ERC2: variants seen among roughly 807,000 people sequenced by gnomAD.
The protein encoded by ERC2 is ERC protein 2.
Under a neutral mutation model 114.8 loss-of-function variants are expected in ERC2, and 42 were observed. The observed-to-expected ratio is 0.37, with a 90% CI of 0.29 to 0.47. The LOEUF is 0.47. Ranked by LOEUF, ERC2 falls within the 20% of genes least tolerant of loss-of-function variation. The probability of loss-of-function intolerance (pLI) is 0.99; values close to 1 mark genes in which losing one functional copy is unlikely to be tolerated. For missense variants in ERC2, 939 were observed against 1,150.7 expected, an observed-to-expected ratio of 0.82 and a Z score of 2.66; for synonymous variants, 454 against 425.5, an observed-to-expected ratio of 1.07 and a Z score of -0.82.
chr3:55,575,693 C>A (rs1301636124), intron 17 of ERC2, among the ~76,000 whole-genome samples: 1 of 152,196 alleles, frequency 6.6e-6, no homozygotes, highest in African/African-American at 2.4e-5. Context: ...TGGCTCCAGG[C>A]CTTCTCCAGC....
rs548885073 is a variant in ERC2, at chr3:56,418,108, G to A, written c.657+16243C>T. 8.6e-5 allele frequency among the ~76,000 whole-genome samples: 13 copies of A among 152,022 alleles called. No individual in the cohort carries two copies. In the South Asian group the frequency reaches 2.5e-3, roughly 29 times the overall value. On this transcript the variant is annotated intron_variant, in intron 2 of 17. Transcript: ENST00000288221. ...TCAAGACCAGCCTGGCCAACATAGC[G>A]AGACCCTGTCTCTACAAAAAAAAAT...
intron 13 of ERC2, among the ~76,000 whole-genome samples, chr3:55,933,778 C>A (rs947324053): frequency 6.6e-6 from 1 of 152,200 alleles, no homozygotes; most frequent in Admixed American, 6.5e-5. Context: ...TTTACAGGAA[C>A]CCTTTGCCCA....
chr3:55,564,172 GT>G (rs1575595775), intron 17 of ERC2, among the ~76,000 whole-genome samples: 1 of 152,300 alleles, frequency 6.6e-6, no homozygotes, highest in East Asian at 1.9e-4. Context: ...TGGGGTGGAT[GT>G]CTGCCTGATG....
chr3:55,809,260 A>G (rs923413936), intron 14 of ERC2, among the ~76,000 whole-genome samples: 7 of 152,296 alleles, frequency 4.6e-5, no homozygotes, highest in African/African-American at 1.7e-4. Context: ...ATGTGTAACG[A>G]TCCAGTCACA....
chr3:55,520,169 G>A lies in ERC2; in HGVS notation c.*40-8893C>T, dbSNP rs1485947634. Among the ~76,000 whole-genome samples the A allele has an allele frequency of 2.0e-5, 3 of 152,020 alleles. No individual in the cohort carries two copies. The East Asian group carries it at 5.8e-4, about 29-fold the overall frequency. On this transcript the variant is annotated intron_variant, in intron 17 of 17. Transcript: ENST00000288221. ...CCAAACAGGCTCAAGAAACAAAAAGGCAGCCAGGCGCAGTGGCACACACCT... is the reference window on the plus strand; with the variant it reads ...CCAAACAGGCTCAAGAAACAAAAAGACAGCCAGGCGCAGTGGCACACACCT...
chr3:55,515,306 A>T (rs905572643), intron 17 of ERC2, among the ~76,000 whole-genome samples: 2 of 147,574 alleles, frequency 1.4e-5, no homozygotes, highest in African/African-American at 4.9e-5. Flanking sequence ...TGTATACATT[A>T]GAATATTATT....
In ERC2 at chr3:56,003,483, A is replaced by G. The variant is rs535703636; in HGVS notation, c.2061+3698T>C. ...TGAATCAGAAGAAGTACTTTTGGCC[A>G]AGTCTGCAATTTATTACCTGAACTT... is the stretch of plus-strand genomic sequence containing the variant. On this transcript the variant is annotated intron_variant, in intron 10 of 17. Coordinates refer to ENST00000288221, the MANE Select transcript of ERC2 (RefSeq NM_015576.3). Among the ~76,000 whole-genome samples the G allele has an allele frequency of 3.9e-5, 6 of 152,278 alleles. No individual in the cohort carries two copies. In the South Asian group the frequency reaches 1.2e-3, roughly 32 times the overall value.
intron 2 of ERC2, among the ~76,000 whole-genome samples, chr3:56,363,369 C>A (rs2059030147): frequency 6.6e-6 from 1 of 152,144 alleles, no homozygotes; most frequent in South Asian, 2.1e-4. Flanking sequence ...CTCATGCCTG[C>A]CAACTCTGGC....
intron 13 of ERC2, among the ~76,000 whole-genome samples, chr3:55,894,044 C>A (rs570794917): frequency 1.3e-5 from 2 of 151,990 alleles, no homozygotes; most frequent in Non-Finnish European, 2.9e-5. Flanking sequence ...ACACAAGAGG[C>A]GGAGCAGCGT....
intron 17 of ERC2, among the ~76,000 whole-genome samples, chr3:55,630,232 C>T (rs1432995938): frequency 3.3e-5 from 5 of 152,146 alleles, no homozygotes; most frequent in Admixed American, 6.5e-5. Context: ...TGCGATGGCG[C>T]GATCTTGGCT....
chr3:56,326,185 G>T (rs1162529837), intron 2 of ERC2, among the ~76,000 whole-genome samples: 1 of 152,202 alleles, frequency 6.6e-6, no homozygotes. Flanking sequence ...AAATTGCAAA[G>T]AACTGCTCAG....
At chr3:56,169,828 T>C (rs1271656037) in intron 4 of ERC2, among the ~76,000 whole-genome samples, 2 of 146,260 alleles carry the variant, frequency 1.4e-5, no homozygotes, top group Middle Eastern at 3.6e-3. Flanking sequence ...AAAAAACAAA[T>C]GGCTTTATGA....
chr3:55,996,750 A>G (rs2071546389), intron 10 of ERC2, among the ~76,000 whole-genome samples: 1 of 152,208 alleles, frequency 6.6e-6, no homozygotes, highest in South Asian at 2.1e-4. Context: ...TCAGGCATTA[A>G]GAGGACTCTG....
At chr3:56,128,380 G>C (rs1441434641) in intron 6 of ERC2, among the ~76,000 whole-genome samples, 2 of 152,132 alleles carry the variant, frequency 1.3e-5, no homozygotes, top group African/African-American at 4.8e-5. Flanking sequence ...CTAGGACCAT[G>C]TAGGCAATTT....
intron 7 of ERC2, among the ~76,000 whole-genome samples, chr3:56,076,680 A>C (rs894770418): frequency 6.6e-6 from 1 of 152,140 alleles, no homozygotes; most frequent in African/African-American, 2.4e-5. Flanking sequence ...AGGGCCAAAA[A>C]TCCACTCTAG....
chr3:55,904,829 A>G (rs994383194), intron 13 of ERC2, among the ~76,000 whole-genome samples: 9 of 152,344 alleles, frequency 5.9e-5, no homozygotes, highest in Middle Eastern at 6.8e-3. Context: ...AGACAGAAAG[A>G]AAAGCATGAC....
At chr3:55,977,216 A>G (rs2069660879) in intron 12 of ERC2, among the ~76,000 whole-genome samples, 3 of 152,240 alleles carry the variant, frequency 2.0e-5, no homozygotes, top group African/African-American at 7.2e-5. Context: ...AATTGTTCTT[A>G]TAGTCTTGTA....
chr3:55,667,558 T>C (rs571686082), intron 17 of ERC2, among the ~76,000 whole-genome samples: 106 of 152,292 alleles, frequency 7.0e-4, no homozygotes, highest in Admixed American at 1.6e-3. Context: ...GCAGCTAAGA[T>C]TGCCAGCTAG....
At chr3:55,712,489 T>G (rs1050421574) in intron 15 of ERC2, among the ~76,000 whole-genome samples, 2 of 152,222 alleles carry the variant, frequency 1.3e-5, no homozygotes, top group African/African-American at 4.8e-5. Context: ...GCTTTACTTC[T>G]CTGCAGAAGA....
Sources: allele counts gnomAD v4.1 joint callset (sites outside exome capture counted in the v4.1 genomes callset), GRCh38; gene constraint gnomAD v4.1.1; transcripts MANE v1.5; gene names NCBI Gene and HGNC (gene_info 2026-07-23, HGNC 2026-07-21).